PCDH11X: variants seen among roughly 807,000 people sequenced by gnomAD.
PCDH11X encodes protocadherin-11 X-linked.
A neutral mutation model predicts 53.3 loss-of-function variants in PCDH11X; 18 were observed. The ratio of observed to expected loss-of-function variants is 0.34; its 90% confidence interval spans 0.23 to 0.50. PCDH11X has a LOEUF of 0.50. PCDH11X is among the 20% of genes least tolerant of loss of function. PCDH11X has a pLI of 0.98. For synonymous variants in PCDH11X, 279 were observed against 393.3 expected (o/e 0.71, Z 3.44); for missense variants, 570 against 1,032.4 (o/e 0.55, Z 6.14).
At chrX:92,334,987 G>A (rs1603276719) in intron 8 of PCDH11X, among the ~76,000 whole-genome samples, 1 of 109,631 alleles carries the variant, frequency 9.1e-6, no homozygotes, top group Non-Finnish European at 1.9e-5. Flanking sequence ...TGTAAGAAGG[G>A]CTGGTTCCCC....
chrX:92,347,071 A>G (rs2069917797), intron 8 of PCDH11X, among the ~76,000 whole-genome samples: 1 of 111,826 alleles, frequency 8.9e-6, no homozygotes, highest in Non-Finnish European at 1.9e-5. Context: ...GTTTTTAGAT[A>G]TGCTTAAAAT....
At chrX:91,920,406 G>A (rs1027816683) in intron 6 of PCDH11X, among the ~76,000 whole-genome samples, 1 of 108,209 alleles carries the variant, frequency 9.2e-6, no homozygotes, top group African/African-American at 3.4e-5. Flanking sequence ...ATTCAAACAT[G>A]CATTTTGCAT....
intron 8 of PCDH11X, among the ~76,000 whole-genome samples, chrX:92,339,246 G>T (rs900924621): frequency 8.9e-6 from 1 of 111,930 alleles, no homozygotes; most frequent in African/African-American, 3.2e-5. Context: ...ACCGCCATCT[G>T]TCACTGTATA....
chrX:91,917,567 T>A (rs1338218843), intron 6 of PCDH11X, among the ~76,000 whole-genome samples: 1 of 8,600 alleles, frequency 1.2e-4, no homozygotes, highest in Non-Finnish European at 1.9e-4. Flanking sequence ...TTACAGCAGC[T>A]GCAAAAAAAA....
At chrX:92,003,358 A>C (rs1234300111) in intron 6 of PCDH11X, among the ~76,000 whole-genome samples, 2 of 109,004 alleles carry the variant, frequency 1.8e-5, no homozygotes, top group Non-Finnish European at 3.8e-5. Flanking sequence ...TTATTGTGTC[A>C]GTCTGGTTTT....
chrX:92,196,384 C>A (rs2066291940), intron 6 of PCDH11X, among the ~76,000 whole-genome samples: 1 of 111,370 alleles, frequency 9.0e-6, no homozygotes, highest in Admixed American at 9.6e-5. Flanking sequence ...TGAGAAATCT[C>A]CAGTTTTAAA....
intron 8 of PCDH11X, among the ~76,000 whole-genome samples, chrX:92,380,290 G>C (rs1291313749): frequency 1.8e-5 from 2 of 108,874 alleles, no homozygotes; most frequent in Admixed American, 9.9e-5. Flanking sequence ...ACTTGTGCTT[G>C]CTCACTCACA....
chrX:91,846,809 T>C (rs1486802482), intron 5 of PCDH11X, among the ~76,000 whole-genome samples: 4 of 109,302 alleles, frequency 3.7e-5, no homozygotes, highest in Admixed American at 2.0e-4. Context: ...TTCTTTTTAC[T>C]GACAACAGCT....
chrX:92,015,980 T>TA (rs1053733171), intron 6 of PCDH11X, among the ~76,000 whole-genome samples: 3 of 111,685 alleles, frequency 2.7e-5, no homozygotes, highest in Non-Finnish European at 3.8e-5. Context: ...GAGTTGAAAT[T>TA]ACTCCTGATT....
intron 6 of PCDH11X, among the ~76,000 whole-genome samples, chrX:91,888,782 G>A (rs912902809): frequency 4.5e-5 from 5 of 110,991 alleles, no homozygotes; most frequent in African/African-American, 9.8e-5. Flanking sequence ...TAAGTAATAC[G>A]GCTTTGACTA....
chrX:92,112,154 C>T (rs1276195844), intron 6 of PCDH11X, among the ~76,000 whole-genome samples: 2 of 106,961 alleles, frequency 1.9e-5, no homozygotes, highest in Non-Finnish European at 1.9e-5. Flanking sequence ...AACCTTTGCT[C>T]TTATGGAGCT....
At chrX:92,118,235 G>T (rs2064679021) in intron 6 of PCDH11X, among the ~76,000 whole-genome samples, 1 of 109,865 alleles carries the variant, frequency 9.1e-6, no homozygotes, top group African/African-American at 3.3e-5. Context: ...TGCAGTTTTG[G>T]TTTTCCCTTC....
chrX:92,298,526 T>C (rs1376087501), intron 8 of PCDH11X, among the ~76,000 whole-genome samples: 1 of 112,030 alleles, frequency 8.9e-6, no homozygotes. Context: ...CTTTTTTATG[T>C]GCTGCTGAAT....
chrX:92,491,235 G>C (rs1434224559), intron 10 of PCDH11X, among the ~76,000 whole-genome samples: 1 of 110,987 alleles, frequency 9.0e-6, no homozygotes. Flanking sequence ...ACAGCAAGGA[G>C]AAAGAGAATG....
intron 7 of PCDH11X, among the ~76,000 whole-genome samples, chrX:92,262,322 CG>C (rs775213494): frequency 4.5e-5 from 5 of 111,192 alleles, no homozygotes. Context: ...ATAAAGATTG[CG>C]GAGAACAGAC....
intron 6 of PCDH11X, among the ~76,000 whole-genome samples, chrX:92,007,310 A>C (rs1403142663): frequency 8.9e-6 from 1 of 111,737 alleles, no homozygotes; most frequent in African/African-American, 3.3e-5. Context: ...CTGAGCTGAT[A>C]TTCAAACCAC....
At chrX:91,818,329 A>G (rs1469932790) in intron 4 of PCDH11X, among the ~76,000 whole-genome samples, 1 of 110,563 alleles carries the variant, frequency 9.0e-6, no homozygotes, top group Non-Finnish European at 1.9e-5. Flanking sequence ...AAGCAGTGCA[A>G]TAGCTAAATA....
intron 10 of PCDH11X, among the ~76,000 whole-genome samples, chrX:92,591,472 G>A (rs1031509128): frequency 8.1e-5 from 9 of 110,698 alleles, no homozygotes; most frequent in Non-Finnish European, 1.5e-4. Context: ...GTCATAAAGA[G>A]GGGTACCGCA....
chrX:92,102,196 G>A (rs1188254819), intron 6 of PCDH11X, among the ~76,000 whole-genome samples: 6 of 111,458 alleles, frequency 5.4e-5, no homozygotes, highest in Non-Finnish European at 7.5e-5. Context: ...TGAAGGAGCC[G>A]GGGAGCAGAA....
Sources: gnomAD v4.1 joint callset for allele counts (sites outside exome capture counted in the v4.1 genomes callset) on GRCh38, gnomAD v4.1.1 for gene constraint, MANE v1.5 for transcripts, NCBI Gene and HGNC (gene_info 2026-07-23, HGNC 2026-07-21) for gene names.